Variants in DEPTOR observed in about 807,000 individuals in gnomAD.
DEPTOR encodes the protein DEP domain containing MTOR interacting protein.
In DEPTOR, 41 loss-of-function variants were observed where a neutral mutation model predicts 41.6. The observed-to-expected ratio is 0.98, with a 90% CI of 0.77 to 1.28. The LOEUF is 1.28. DEPTOR is among the 50% of genes most tolerant of loss of function. DEPTOR has a pLI of 0.00. For synonymous variants in DEPTOR, 195 were observed against 192.3 expected (o/e 1.01, Z -0.12); for missense variants, 514 against 527.9 (o/e 0.97, Z 0.26).
chr8:119,921,232 C>A (rs958011036), intron 1 of DEPTOR, among the ~76,000 whole-genome samples: 1 of 152,182 alleles, frequency 6.6e-6, no homozygotes, highest in African/African-American at 2.4e-5. Flanking sequence ...CAGCCTCGGC[C>A]TCCCAAAGTG....
intron 2 of DEPTOR, 46 bp from the exon 3 acceptor site, chr8:119,929,769 A>T: frequency 6.4e-7 from 1 of 1,564,398 alleles, no homozygotes; most frequent in Non-Finnish European, 8.7e-7. Flanking sequence ...ATTAAATAAG[A>T]GCGATTTTTT....
intron 3 of DEPTOR, among the ~76,000 whole-genome samples, chr8:119,933,478 A>ACACACACC (rs1828072077): frequency 6.6e-6 from 1 of 151,220 alleles, no homozygotes; most frequent in Admixed American, 6.6e-5. Flanking sequence ...ACACACACAC[A>ACACACACC]CACACACACA....
intron 6 of DEPTOR, among the ~76,000 whole-genome samples, chr8:120,005,715 A>T (rs1229860547): frequency 1.3e-5 from 2 of 152,124 alleles, no homozygotes; most frequent in African/African-American, 4.8e-5. Context: ...GGAGGATACG[A>T]CAGCCCCTCT....
chr8:120,025,593 T>C (rs566131362), intron 8 of DEPTOR, among the ~76,000 whole-genome samples: 2 of 152,320 alleles, frequency 1.3e-5, no homozygotes, highest in East Asian at 3.9e-4. Flanking sequence ...GTAAATATCA[T>C]TGCCATCCAC....
chr8:119,886,525 A>C (rs13260088), intron 1 of DEPTOR, among the ~76,000 whole-genome samples: 75,282 of 151,848 alleles, frequency 0.5, 20,367 homozygotes, highest in East Asian at 0.92. Context: ...ACACACACAC[A>C]GATACATACA....
At chr8:119,918,944 T>C (rs987820291) in intron 1 of DEPTOR, among the ~76,000 whole-genome samples, 42 of 137,190 alleles carry the variant, frequency 3.1e-4, no homozygotes, top group Non-Finnish European at 1.4e-4. Context: ...AGTGAGTGTG[T>C]GTGTGTGTGT....
chr8:119,989,897 C>A (rs1393572090), intron 4 of DEPTOR, among the ~76,000 whole-genome samples: 2 of 152,032 alleles, frequency 1.3e-5, no homozygotes, highest in Non-Finnish European at 2.9e-5. Context: ...TTTGATCGGG[C>A]CTTTGGGTTT....
intron 4 of DEPTOR, among the ~76,000 whole-genome samples, chr8:119,984,960 G>T (rs190644656): frequency 6.6e-6 from 1 of 152,298 alleles, no homozygotes; most frequent in East Asian, 1.9e-4. Flanking sequence ...GCCAAGGCAG[G>T]CGGATCATGA....
chr8:119,889,644 G>A (rs1415138636), intron 1 of DEPTOR, among the ~76,000 whole-genome samples: 1 of 104,684 alleles, frequency 9.6e-6, no homozygotes, highest in Admixed American at 9.7e-5. Flanking sequence ...GGGGAGGGGA[G>A]GGGAGGATGG....
intron 4 of DEPTOR, among the ~76,000 whole-genome samples, chr8:119,980,765 G>A (rs972155666): frequency 1.3e-5 from 2 of 152,054 alleles, no homozygotes; most frequent in Admixed American, 6.6e-5. Flanking sequence ...TGATCCACCC[G>A]CCTCGGCCTT....
At chr8:120,010,148 G>A (rs1397642867) in intron 8 of DEPTOR, among the ~76,000 whole-genome samples, 1 of 151,652 alleles carries the variant, frequency 6.6e-6, no homozygotes, top group Non-Finnish European at 1.5e-5. Context: ...TAGCATCTCA[G>A]AGTCTGTTTT....
chr8:119,951,590 T>C (rs1828354722), intron 3 of DEPTOR, among the ~76,000 whole-genome samples: 1 of 152,332 alleles, frequency 6.6e-6, no homozygotes, highest in Non-Finnish European at 1.5e-5. Context: ...TTCTCATCTT[T>C]CTTTCAGCTA....
chr8:119,887,114 C>T (rs1827375096), intron 1 of DEPTOR, among the ~76,000 whole-genome samples: 1 of 16,016 alleles, frequency 6.2e-5, no homozygotes, highest in African/African-American at 2.8e-4. Flanking sequence ...CTTCCCCTCC[C>T]CTCCCCCTCC....
In DEPTOR at chr8:120,006,874, C is replaced by T. The variant is rs758774490; in HGVS notation, c.995C>T (p.Thr332Met). Residue 332 changes from threonine (T) to methionine (M), a missense_variant and splice_region_variant, in exon 7 of 9, where the codon ACG (threonine) becomes ATG (methionine). Coordinates refer to ENST00000286234, the MANE Select transcript of DEPTOR (RefSeq NM_022783.4). ...PGAPYARKTF[T>M]IVGDAVGWGF... ...GCTCCGTATGCAAGGAAGACATTCA[C>T]GGTAGGCTGATGGTCTGGCCTTTTT... 21 of 1,614,004 alleles carry T rather than the reference C, an allele frequency of 1.3e-5. No homozygotes were observed. The highest frequency in any genetic ancestry group is 2.7e-5 in the African/African-American group (2 of 74,932).
chr8:119,958,475 G>C (rs1586632662), intron 3 of DEPTOR, among the ~76,000 whole-genome samples: 1 of 152,174 alleles, frequency 6.6e-6, no homozygotes, highest in East Asian at 1.9e-4. Context: ...GCTAGGCCAA[G>C]TTTATCACCT....
At chr8:120,022,742 C>T (rs1182694177) in intron 8 of DEPTOR, among the ~76,000 whole-genome samples, 3 of 151,246 alleles carry the variant, frequency 2.0e-5, no homozygotes, top group Non-Finnish European at 4.4e-5. Flanking sequence ...CCCTATGTTG[C>T]CCAGGCTGCT....
chr8:120,026,606 G>A (rs1251335127), intron 8 of DEPTOR, among the ~76,000 whole-genome samples: 1 of 152,026 alleles, frequency 6.6e-6, no homozygotes, highest in African/African-American at 2.4e-5. Context: ...GCCTCCCAAA[G>A]TGCTGAGATT....
intron 8 of DEPTOR, among the ~76,000 whole-genome samples, chr8:120,016,839 A>C (rs933666717): frequency 6.6e-6 from 1 of 152,030 alleles, no homozygotes; most frequent in Non-Finnish European, 1.5e-5. Flanking sequence ...CCTGACCTCA[A>C]GTGATCTGCC....
intron 3 of DEPTOR, among the ~76,000 whole-genome samples, chr8:119,930,869 C>T (rs747977390): frequency 2.0e-5 from 3 of 152,072 alleles, no homozygotes; most frequent in Non-Finnish European, 2.9e-5. Flanking sequence ...AGCAATGGCA[C>T]GTGCTTTGTA....
Sources: allele counts gnomAD v4.1 joint callset (sites outside exome capture counted in the v4.1 genomes callset), GRCh38; gene constraint gnomAD v4.1.1; transcripts MANE v1.5; gene names NCBI Gene and HGNC (gene_info 2026-07-23, HGNC 2026-07-21).